Variants in KDM4C observed in about 807,000 individuals in gnomAD.
The protein encoded by KDM4C is lysine-specific demethylase 4C.
A neutral mutation model predicts 129.3 loss-of-function variants in KDM4C; 81 were observed. That is an observed-to-expected ratio of 0.63 (90% confidence interval 0.52 to 0.75). The LOEUF is 0.75. Among genes scored for constraint, KDM4C ranks in the 30% least tolerant of loss-of-function variants. The pLI, the probability that KDM4C is intolerant of heterozygous loss-of-function variation, is 0.00. For missense variants in KDM4C, 1,457 were observed against 1,304.0 expected, an observed-to-expected ratio of 1.12 and a Z score of -1.81; for synonymous variants, 573 against 456.1, an observed-to-expected ratio of 1.26 and a Z score of -3.26.
chr9:6,746,359 C>T (rs1317454101), intron 1 of KDM4C, among the ~76,000 whole-genome samples: 2 of 148,776 alleles, frequency 1.3e-5, no homozygotes, highest in Non-Finnish European at 3.0e-5. Context: ...AGCTCTGCCT[C>T]CCGGGTTCAC....
intron 6 of KDM4C, among the ~76,000 whole-genome samples, chr9:6,887,505 C>T (rs1487051090): frequency 6.6e-6 from 1 of 152,192 alleles, no homozygotes; most frequent in South Asian, 2.1e-4. Context: ...GGGGGAACTA[C>T]TCTGTCTGCT....
chr9:6,943,068 C>G (rs192159281), intron 8 of KDM4C, among the ~76,000 whole-genome samples: 1 of 152,122 alleles, frequency 6.6e-6, no homozygotes. Context: ...GAGGTCTTGC[C>G]ATGGTTCCCT....
At position 6,984,243 on chromosome 9, in the gene KDM4C, C is replaced by T. The variant is rs2131842317; in HGVS notation, c.1193C>T (p.Ala398Val). ...GAAGTGTCAGATGAAGTCGATGGGG[C>T]AGAGGTCCCTAACCCCGACTCAGTC... ...EEEVSDEVDG[A>V]EVPNPDSVTD... The change falls in exon 10 of 22, where the codon GCA (alanine) becomes GTA (valine). Residue 398 changes from alanine to valine, a missense_variant. Coordinates refer to ENST00000381309, the MANE Select transcript of KDM4C (RefSeq NM_015061.6). 2 of 1,613,936 alleles carry T rather than the reference C, an allele frequency of 1.2e-6. No individual in the cohort carries two copies. Among genetic ancestry groups the T allele is most frequent in the Non-Finnish European group, 1.7e-6 (2 of 1,179,876 alleles).
rs368923554 is a variant in KDM4C at position 6,908,613 on chromosome 9, G to C, written c.921+15381G>C. Among the ~76,000 whole-genome samples, 85 of 152,126 alleles carry C rather than the reference G, an allele frequency of 5.6e-4. No homozygotes were observed. The East Asian group carries it at 0.011, about 19-fold the overall frequency. On this transcript the variant is annotated intron_variant, in intron 8 of 21. Coordinates refer to ENST00000381309, the MANE Select transcript of KDM4C (RefSeq NM_015061.6). ...GACCAGGTGTGACAAGATCTTCTTGGGGGGAGGATGTAGTCTTTGTAGCAC... is the reference window on the plus strand; with the variant it reads ...GACCAGGTGTGACAAGATCTTCTTGCGGGGAGGATGTAGTCTTTGTAGCAC...
rs558666188 is a variant in KDM4C at position 6,875,755 on chromosome 9, A to ATATC, written c.630-4255_630-4252dup. Among the ~76,000 whole-genome samples the ATATC allele has an allele frequency of 4.7e-3, 709 of 152,276 alleles. 3 individuals carry two copies. The highest frequency in any genetic ancestry group is 0.016 in the African/African-American group (653 of 41,544). On this transcript the variant is annotated intron_variant, in intron 5 of 21. Coordinates refer to ENST00000381309, the MANE Select transcript of KDM4C (RefSeq NM_015061.6). ...GGCTTCATTCTGATAGGTCTTAGCA[A>ATATC]TATCTGTATGTATTTCTACCCCCGC...
chr9:6,796,282 C>G (rs202176104), intron 2 of KDM4C, among the ~76,000 whole-genome samples: 2 of 152,052 alleles, frequency 1.3e-5, no homozygotes, highest in African/African-American at 2.4e-5. Context: ...CCATCTCTAC[C>G]AAAAATACAA....
intron 1 of KDM4C, among the ~76,000 whole-genome samples, chr9:6,742,702 G>T (rs1326349031): frequency 6.7e-6 from 1 of 149,296 alleles, no homozygotes; most frequent in Non-Finnish European, 1.5e-5. Flanking sequence ...TTTAGAAGGA[G>T]TCTCACTCAA....
chr9:7,112,724 G>C (rs1287981627), intron 18 of KDM4C, among the ~76,000 whole-genome samples: 6 of 152,020 alleles, frequency 3.9e-5, no homozygotes, highest in African/African-American at 1.5e-4. Flanking sequence ...ACTTCGTCTG[G>C]AGCTCACTTC....
intron 19 of KDM4C, among the ~76,000 whole-genome samples, chr9:7,162,577 C>T (rs927908985): frequency 6.6e-6 from 1 of 152,196 alleles, no homozygotes; most frequent in Non-Finnish European, 1.5e-5. Flanking sequence ...TTAAACTGCT[C>T]GAATGCAATT....
At chr9:6,863,435 G>A (rs940066997) in intron 5 of KDM4C, among the ~76,000 whole-genome samples, 3 of 152,008 alleles carry the variant, frequency 2.0e-5, no homozygotes, top group Non-Finnish European at 2.9e-5. Context: ...ATCTGGTGAG[G>A]GTCACATGTT....
At chr9:6,903,845 A>G (rs548312745) in intron 8 of KDM4C, among the ~76,000 whole-genome samples, 3 of 152,224 alleles carry the variant, frequency 2.0e-5, no homozygotes, top group Non-Finnish European at 4.4e-5. Flanking sequence ...ATATCTCTTA[A>G]AATATCAGCA....
intron 1 of KDM4C, among the ~76,000 whole-genome samples, chr9:6,736,788 C>T (rs758554236): frequency 3.9e-5 from 6 of 152,042 alleles, no homozygotes; most frequent in African/African-American, 9.7e-5. Context: ...CAGTGGCTCA[C>T]GCCTGTAATC....
intron 2 of KDM4C, among the ~76,000 whole-genome samples, chr9:6,799,030 C>T (rs1828371245): frequency 1.3e-5 from 2 of 151,376 alleles, no homozygotes; most frequent in South Asian, 2.1e-4. Flanking sequence ...AGGCGCTCCT[C>T]ACTTCCTAGG....
chr9:7,121,532 A>T (rs1442399360), intron 18 of KDM4C, among the ~76,000 whole-genome samples: 7 of 152,198 alleles, frequency 4.6e-5, no homozygotes, highest in Non-Finnish European at 1.0e-4. Context: ...TGATAGGAGG[A>T]TCTACAAAGT....
chr9:6,886,823 T>G (rs1845360929), intron 6 of KDM4C, among the ~76,000 whole-genome samples: 1 of 152,042 alleles, frequency 6.6e-6, no homozygotes, highest in South Asian at 2.1e-4. Flanking sequence ...GGTTTTGCTG[T>G]GTTAGGCTTG....
chr9:6,859,124 C>T (rs1246913458), intron 5 of KDM4C, among the ~76,000 whole-genome samples: 1 of 152,070 alleles, frequency 6.6e-6, no homozygotes, highest in Non-Finnish European at 1.5e-5. Context: ...TTTGGTGACT[C>T]CATTTCATTT....
chr9:6,721,023 A>G (rs1168520376), intron 1 of KDM4C: 1 of 1,545,766 alleles, frequency 6.5e-7, no homozygotes, highest in Non-Finnish European at 8.8e-7. Context: ...AACATAATCC[A>G]GGACACTTTG....
chr9:6,796,666 G>T (rs927383486), intron 2 of KDM4C, among the ~76,000 whole-genome samples: 1 of 152,166 alleles, frequency 6.6e-6, no homozygotes. Context: ...CCTGAGTCCA[G>T]ACCGTGCCTC....
At chr9:6,974,587 A>G (rs1282574608) in intron 8 of KDM4C, among the ~76,000 whole-genome samples, 1 of 152,152 alleles carries the variant, frequency 6.6e-6, no homozygotes, top group Non-Finnish European at 1.5e-5. Context: ...CAAACTCCTG[A>G]CCTCAGGTGC....
Sources: gnomAD v4.1 joint callset for allele counts (sites outside exome capture counted in the v4.1 genomes callset) on GRCh38, gnomAD v4.1.1 for gene constraint, MANE v1.5 for transcripts, NCBI Gene and HGNC (gene_info 2026-07-23, HGNC 2026-07-21) for gene names.